The following GRID2 variants were observed in gnomAD, a reference collection of about 807,000 sequenced individuals.
The protein encoded by GRID2 is glutamate receptor ionotropic, delta-2.
GRID2 carries 33 observed loss-of-function variants against 114.8 expected under a neutral mutation model. The observed-to-expected ratio is 0.29, with a 90% CI of 0.22 to 0.38. The LOEUF is 0.38. Ranked by LOEUF, GRID2 falls within the 10% of genes least tolerant of loss-of-function variation. The probability of loss-of-function intolerance (pLI) is 1.00; values close to 1 mark genes in which losing one functional copy is unlikely to be tolerated. For missense variants in GRID2, 1,184 were observed against 1,257.7 expected (o/e 0.94, Z 0.89); for synonymous variants, 505 against 449.9 (o/e 1.12, Z -1.55).
chr4:93,044,418 C>T (rs1020000828), intron 2 of GRID2, among the ~76,000 whole-genome samples: 47 of 151,404 alleles, frequency 3.1e-4, no homozygotes, highest in African/African-American at 6.3e-4. Context: ...TTGTCCATTA[C>T]GTTTGCAAAA....
chr4:92,412,545 C>T (rs1202917110), intron 1 of GRID2, among the ~76,000 whole-genome samples: 1 of 151,992 alleles, frequency 6.6e-6, no homozygotes, highest in Non-Finnish European at 1.5e-5. Flanking sequence ...TTTCATTTAT[C>T]ATGTAAAATA....
At chr4:92,581,562 A>G (rs1438537363) in intron 1 of GRID2, among the ~76,000 whole-genome samples, 1 of 152,068 alleles carries the variant, frequency 6.6e-6, no homozygotes, top group African/African-American at 2.4e-5. Flanking sequence ...TTCACATGTT[A>G]TTGGAGAGTA....
Position 92,485,332 on chromosome 4 carries a change from A to AG in GRID2, c.89-104799_89-104798insG, listed in dbSNP as rs1188029917. 1.3e-3 allele frequency among the ~76,000 whole-genome samples: 138 copies of AG among 106,392 alleles called. 4 individuals are homozygous for AG. Among genetic ancestry groups the AG allele is most frequent in the African/African-American group, 4.6e-3 (133 of 29,046 alleles). The allele number at this position is 106,392 out of a possible 152,430, so 69.8% of individuals were successfully genotyped here. On this transcript the variant is annotated intron_variant, in intron 1 of 15. Transcript: ENST00000282020. ...TATATATATATATATATATATATAT[A>AG]TATATATATATATATAGTGTGTGTG...
intron 9 of GRID2, among the ~76,000 whole-genome samples, chr4:93,405,249 A>C (rs561527915): frequency 2.0e-4 from 30 of 152,280 alleles, no homozygotes; most frequent in African/African-American, 6.7e-4. Context: ...TGGCCTATGC[A>C]AATGATGTAA....
chr4:92,674,957 T>C (rs1350025808), intron 2 of GRID2, among the ~76,000 whole-genome samples: 2 of 152,222 alleles, frequency 1.3e-5, no homozygotes, highest in Non-Finnish European at 2.9e-5. Flanking sequence ...CTTTTTCTTA[T>C]GGTCATATTT....
intron 12 of GRID2, among the ~76,000 whole-genome samples, chr4:93,505,364 T>C (rs1403405757): frequency 6.6e-6 from 1 of 152,010 alleles, no homozygotes. Flanking sequence ...AACATAAATT[T>C]TACAATCATC....
downstream of GRID2, chr4:93,810,189 C>T (rs549598887): frequency 6.6e-6 from 1 of 152,246 alleles, no homozygotes; most frequent in Non-Finnish European, 1.5e-5. Flanking sequence ...GATACTACAT[C>T]CTAGTTTCTT....
At chr4:93,382,305 T>C (rs1763928003) in intron 8 of GRID2, among the ~76,000 whole-genome samples, 1 of 152,098 alleles carries the variant, frequency 6.6e-6, no homozygotes, top group African/African-American at 2.4e-5. Flanking sequence ...GTTTTGGCCA[T>C]TATGGCTTCA....
chr4:92,588,129 A>T (rs1017377047), intron 1 of GRID2, among the ~76,000 whole-genome samples: 21 of 152,248 alleles, frequency 1.4e-4, no homozygotes, highest in Admixed American at 1.3e-3. Flanking sequence ...TGTAATGATT[A>T]ATCTAGATCT....
chr4:92,655,110 G>T lies in GRID2; in HGVS notation c.244+64824G>T, dbSNP rs906766800. On this transcript the variant is annotated intron_variant, in intron 2 of 15. Coordinates refer to ENST00000282020, the MANE Select transcript of GRID2 (RefSeq NM_001510.4). ...GTCCAGTCTCATTCTTCTGCATGTG[G>T]TTATGCAGTTTTCCAAGCACCATTT... Among the ~76,000 whole-genome samples, 11 of 151,904 alleles carry T rather than the reference G, an allele frequency of 7.2e-5. 1 individual carries two copies. The highest frequency in any genetic ancestry group is 1.6e-4 in the Non-Finnish European group (11 of 67,988).
chr4:92,537,201 A>G (rs961887271), intron 1 of GRID2, among the ~76,000 whole-genome samples: 1 of 152,172 alleles, frequency 6.6e-6, no homozygotes, highest in Non-Finnish European at 1.5e-5. Context: ...TATGTTGGAG[A>G]TGAGGGATTC....
At chr4:93,205,405 G>T (rs1742609414) in intron 4 of GRID2, among the ~76,000 whole-genome samples, 1 of 152,086 alleles carries the variant, frequency 6.6e-6, no homozygotes, top group Non-Finnish European at 1.5e-5. Context: ...AGAACATGTG[G>T]TGTTTGGTTT....
intron 2 of GRID2, among the ~76,000 whole-genome samples, chr4:92,814,281 A>G (rs77843859): frequency 0.023 from 3,515 of 152,286 alleles, 99 homozygotes; most frequent in East Asian, 0.12. Flanking sequence ...TTTTACATAA[A>G]GAATAAGTAG....
At chr4:93,188,090 G>A (rs1740615514) in intron 4 of GRID2, among the ~76,000 whole-genome samples, 1 of 152,192 alleles carries the variant, frequency 6.6e-6, no homozygotes, top group Non-Finnish European at 1.5e-5. Flanking sequence ...CTTGCATGCT[G>A]AAGGCTGTAC....
At chr4:93,444,353 G>C (rs1438864849) in intron 10 of GRID2, among the ~76,000 whole-genome samples, 2 of 151,944 alleles carry the variant, frequency 1.3e-5, no homozygotes, top group African/African-American at 4.8e-5. Context: ...GAGGGAGCTA[G>C]GAGAAGGAAT....
intron 2 of GRID2, among the ~76,000 whole-genome samples, chr4:92,965,450 T>TAAAAAAAAAAAAAAAAAAAAAAAAAAA (rs869285420): frequency 2.3e-5 from 2 of 85,760 alleles, no homozygotes; most frequent in Non-Finnish European, 4.8e-5. Context: ...ATTCAATTTG[T>TAAAAAAAAAAAAAAAAAAAAAAAAAAA]AAAAAAAAAA....
At chr4:93,172,430 A>G (rs1049113537) in intron 4 of GRID2, among the ~76,000 whole-genome samples, 8 of 152,122 alleles carry the variant, frequency 5.3e-5, no homozygotes, top group Non-Finnish European at 1.0e-4. Context: ...GTGTCTACTA[A>G]AGTTACAAAA....
chr4:92,742,471 C>G (rs1291109913), intron 2 of GRID2, among the ~76,000 whole-genome samples: 9 of 152,078 alleles, frequency 5.9e-5, no homozygotes, highest in Admixed American at 5.9e-4. Flanking sequence ...CCCTTACCCC[C>G]TTGACACATT....
At chr4:93,145,235 A>G (rs1736097503) in intron 4 of GRID2, among the ~76,000 whole-genome samples, 2 of 152,022 alleles carry the variant, frequency 1.3e-5, no homozygotes, top group Admixed American at 1.3e-4. Flanking sequence ...CCCTCCAACC[A>G]CTACAATGAA....
Sources: allele counts gnomAD v4.1 joint callset (sites outside exome capture counted in the v4.1 genomes callset), GRCh38; gene constraint gnomAD v4.1.1; transcripts MANE v1.5; gene names NCBI Gene and HGNC (gene_info 2026-07-23, HGNC 2026-07-21).